SCFD2: variants seen among roughly 807,000 people sequenced by gnomAD.
SCFD2 encodes sec1 family domain-containing protein 2.
In SCFD2, 54 loss-of-function variants were observed where a neutral mutation model predicts 58.9. The observed-to-expected ratio is 0.92, with a 90% confidence interval of 0.74 to 1.15. The LOEUF (loss-of-function observed/expected upper bound fraction) is 1.15. SCFD2 is among the 50% of genes most tolerant of loss of function. The pLI, the probability that SCFD2 is intolerant of heterozygous loss-of-function variation, is 0.00. For missense variants in SCFD2, 805 were observed against 836.6 expected (o/e 0.96, Z 0.47); for synonymous variants, 321 against 335.9 (o/e 0.96, Z 0.49).
At chr4:53,007,385 A>G (rs142888017) in intron 5 of SCFD2, among the ~76,000 whole-genome samples, 3 of 79,962 alleles carry the variant, frequency 3.8e-5, no homozygotes, top group Non-Finnish European at 5.1e-5. Flanking sequence ...AAGGAAGGAA[A>G]GAAGGAAGGA....
intron 4 of SCFD2, among the ~76,000 whole-genome samples, chr4:53,218,927 T>C (rs1018617712): frequency 3.3e-5 from 5 of 152,224 alleles, no homozygotes; most frequent in African/African-American, 1.2e-4. Flanking sequence ...TGCCTGGGTA[T>C]CAGCAGCGGA....
intron 5 of SCFD2, among the ~76,000 whole-genome samples, chr4:52,946,297 A>G (rs890710767): frequency 5.9e-5 from 9 of 152,216 alleles, no homozygotes; most frequent in Admixed American, 5.2e-4. Context: ...CAGTATGCCA[A>G]AAAGATCCTT....
chr4:53,343,940 G>C (rs1733970934), intron 2 of SCFD2, among the ~76,000 whole-genome samples: 2 of 152,142 alleles, frequency 1.3e-5, no homozygotes, highest in African/African-American at 4.8e-5. Flanking sequence ...ATTAGGTATT[G>C]ATGGGACGTA....
intron 5 of SCFD2, among the ~76,000 whole-genome samples, chr4:53,090,882 GA>G (rs1362996056): frequency 6.6e-6 from 1 of 152,098 alleles, no homozygotes; most frequent in Non-Finnish European, 1.5e-5. Flanking sequence ...CCATTTTACA[GA>G]GGAGACAATT....
At chr4:53,328,188 GTA>G (rs1560448857) in intron 2 of SCFD2, among the ~76,000 whole-genome samples, 1 of 147,620 alleles carries the variant, frequency 6.8e-6, no homozygotes, top group Non-Finnish European at 1.5e-5. Context: ...ATGTGCACAT[GTA>G]TGTGTGTGTG....
chr4:53,316,269 A>C (rs1442998620), intron 2 of SCFD2, among the ~76,000 whole-genome samples: 1 of 152,216 alleles, frequency 6.6e-6, no homozygotes, highest in South Asian at 2.1e-4. Context: ...CTATGAAGGC[A>C]GGGACTTTGT....
chr4:53,320,208 C>T (rs923956544), intron 2 of SCFD2, among the ~76,000 whole-genome samples: 25 of 152,224 alleles, frequency 1.6e-4, no homozygotes, highest in African/African-American at 5.1e-4. Context: ...ACTCAGGTTG[C>T]TGTGAACTCC....
At chr4:53,009,039 C>T (rs1293263525) in intron 5 of SCFD2, among the ~76,000 whole-genome samples, 1 of 152,174 alleles carries the variant, frequency 6.6e-6, no homozygotes, top group Non-Finnish European at 1.5e-5. Flanking sequence ...AATGGCTTTC[C>T]TTTGGATGGT....
chr4:53,335,562 CTA>C (rs1189855429), intron 2 of SCFD2, among the ~76,000 whole-genome samples: 1 of 152,070 alleles, frequency 6.6e-6, no homozygotes, highest in Non-Finnish European at 1.5e-5. Context: ...TTTATTATGA[CTA>C]TGTTGGAAAA....
At chr4:53,230,345 C>T (rs576530408) in intron 4 of SCFD2, among the ~76,000 whole-genome samples, 1 of 152,232 alleles carries the variant, frequency 6.6e-6, no homozygotes, top group Non-Finnish European at 1.5e-5. Context: ...CGGCACTATT[C>T]ACAATAGCAA....
chr4:52,881,510 C>T (rs1718608646), intron 8 of SCFD2, among the ~76,000 whole-genome samples: 1 of 152,164 alleles, frequency 6.6e-6, no homozygotes, highest in Non-Finnish European at 1.5e-5. Context: ...ACTGTTCTGT[C>T]CTTAGCATAA....
intron 3 of SCFD2, among the ~76,000 whole-genome samples, chr4:53,294,994 C>G (rs1352656786): frequency 6.6e-6 from 1 of 152,072 alleles, no homozygotes; most frequent in Non-Finnish European, 1.5e-5. Context: ...TTCCATTGGT[C>G]TATATATCTG....
chr4:52,919,393 C>T (rs28508082), intron 6 of SCFD2, among the ~76,000 whole-genome samples: 7,599 of 152,230 alleles, frequency 0.05, 227 homozygotes, highest in South Asian at 0.13. Flanking sequence ...GACAAAACTA[C>T]GTATGAATAC....
chr4:53,085,208 T>C (rs1382835165), intron 5 of SCFD2, among the ~76,000 whole-genome samples: 1 of 152,084 alleles, frequency 6.6e-6, no homozygotes, highest in African/African-American at 2.4e-5. Flanking sequence ...AAAACCAATA[T>C]ACAAATATCA....
At chr4:53,332,717 T>C (rs1733529756) in intron 2 of SCFD2, among the ~76,000 whole-genome samples, 1 of 151,962 alleles carries the variant, frequency 6.6e-6, no homozygotes, top group African/African-American at 2.4e-5. Flanking sequence ...TCACCACTCC[T>C]ATTCAACATA....
intron 5 of SCFD2, among the ~76,000 whole-genome samples, chr4:53,089,443 T>C (rs1318496414): frequency 2.6e-5 from 4 of 152,304 alleles, no homozygotes; most frequent in African/African-American, 9.6e-5. Flanking sequence ...ATGAAAATTT[T>C]CATCATGATG....
At chr4:53,361,341 G>A (rs1369138438) in intron 1 of SCFD2, among the ~76,000 whole-genome samples, 1 of 152,124 alleles carries the variant, frequency 6.6e-6, no homozygotes, top group Non-Finnish European at 1.5e-5. Flanking sequence ...AAATGATAAA[G>A]AACACTTAAC....
intron 5 of SCFD2, among the ~76,000 whole-genome samples, chr4:53,089,374 G>GGACAC (rs1476393591): frequency 1.6e-4 from 24 of 151,960 alleles, no homozygotes; most frequent in African/African-American, 5.1e-4. Flanking sequence ...GAAGCAAAAA[G>GGACAC]TTTCTAATTT....
intron 2 of SCFD2, among the ~76,000 whole-genome samples, chr4:53,329,467 A>AC (rs1283171066): frequency 2.0e-5 from 3 of 150,688 alleles, no homozygotes; most frequent in Middle Eastern, 3.2e-3. Context: ...ACTGGGAGGC[A>AC]CCCCCCAGCA....
Sources: allele counts gnomAD v4.1 joint callset (sites outside exome capture counted in the v4.1 genomes callset), GRCh38; gene constraint gnomAD v4.1.1; transcripts MANE v1.5; gene names NCBI Gene and HGNC (gene_info 2026-07-23, HGNC 2026-07-21).